Variants in CNTN3 observed in about 807,000 individuals in gnomAD.
CNTN3 encodes the protein contactin-3.
CNTN3 carries 60 observed loss-of-function variants against 119.1 expected under a neutral mutation model. The observed-to-expected ratio is 0.50, with a 90% CI of 0.41 to 0.62. CNTN3 has a LOEUF of 0.62. Among genes scored for constraint, CNTN3 ranks in the 20% least tolerant of loss-of-function variants. The probability of loss-of-function intolerance (pLI) is 0.00; values close to 1 mark genes in which losing one functional copy is unlikely to be tolerated. For synonymous variants in CNTN3, 450 were observed against 438.7 expected (o/e 1.03, Z -0.32); for missense variants, 1,101 against 1,242.4 (o/e 0.89, Z 1.71).
intron 4 of CNTN3, among the ~76,000 whole-genome samples, chr3:74,463,447 T>C (rs1465358507): frequency 1.3e-5 from 2 of 152,150 alleles, no homozygotes; most frequent in African/African-American, 4.8e-5. Context: ...CACCTATCCC[T>C]GCCTCCTGCT....
At chr3:74,362,263 T>A (rs2106773070) in intron 10 of CNTN3, among the ~76,000 whole-genome samples, 1 of 152,348 alleles carries the variant, frequency 6.6e-6, no homozygotes, top group South Asian at 2.1e-4. Context: ...ATGTTTAGTT[T>A]ATGGTGAAGA....
intron 2 of CNTN3, among the ~76,000 whole-genome samples, chr3:74,510,190 C>A (rs1464384703): frequency 5.9e-5 from 9 of 151,988 alleles, no homozygotes; most frequent in Non-Finnish European, 1.3e-4. Flanking sequence ...TCAGACTTTC[C>A]TGAGACCACC....
chr3:74,303,205 G>C (rs960938299), intron 13 of CNTN3, among the ~76,000 whole-genome samples: 1 of 152,116 alleles, frequency 6.6e-6, no homozygotes, highest in African/African-American at 2.4e-5. Context: ...GAGAAGAAGA[G>C]GGACACATGT....
At chr3:74,559,463 G>A (rs994487336) in intron 1 of CNTN3, among the ~76,000 whole-genome samples, 3 of 152,248 alleles carry the variant, frequency 2.0e-5, no homozygotes, top group East Asian at 1.9e-4. Context: ...AAGCTTTGGC[G>A]TGTGGCAGTT....
intron 20 of CNTN3, among the ~76,000 whole-genome samples, chr3:74,276,414 A>T (rs7636279): frequency 0.045 from 6,862 of 152,228 alleles, 507 homozygotes; most frequent in African/African-American, 0.16. Context: ...AATAAATTTT[A>T]AAAAATTGAA....
chr3:74,501,171 A>G (rs1703160274), intron 2 of CNTN3, among the ~76,000 whole-genome samples: 1 of 151,626 alleles, frequency 6.6e-6, no homozygotes, highest in South Asian at 2.1e-4. Context: ...CACACCCAAT[A>G]GTCTTGCCTT....
chr3:74,512,973 G>T (rs1703395076), intron 2 of CNTN3, among the ~76,000 whole-genome samples: 1 of 152,032 alleles, frequency 6.6e-6, no homozygotes, highest in Non-Finnish European at 1.5e-5. Flanking sequence ...GTTCTATTTT[G>T]CCATAGAGTG....
intron 1 of CNTN3, among the ~76,000 whole-genome samples, chr3:74,546,946 T>C (rs2107154721): frequency 1.4e-5 from 2 of 141,332 alleles, no homozygotes; most frequent in Middle Eastern, 3.6e-3. Context: ...TTTCTCCTTA[T>C]TTTGTTGATT....
chr3:74,374,934 T>C (rs929160246), intron 5 of CNTN3, among the ~76,000 whole-genome samples: 1 of 152,154 alleles, frequency 6.6e-6, no homozygotes, highest in African/African-American at 2.4e-5. Context: ...AATGCAAAAT[T>C]TCAGTGATCC....
At position 74,437,759 on chromosome 3, in the gene CNTN3, T is replaced by A. The variant is rs191361213; in HGVS notation, c.359-12819A>T. On this transcript the variant is annotated intron_variant, in intron 4 of 22. Coordinates refer to ENST00000263665, the MANE Select transcript of CNTN3 (RefSeq NM_020872.3). ...TTTTCCATCAAAACTACACTTTTTT[T>A]TCCCATTTTTGTGGCAAGAGCATGA... is the stretch of plus-strand genomic sequence containing the variant. Among the ~76,000 whole-genome samples the A allele has an allele frequency of 8.5e-5, 13 of 152,260 alleles. No individual in the cohort carries two copies. The East Asian group carries it at 1.5e-3, about 18-fold the overall frequency.
chr3:74,312,996 C>T (rs1314961968), intron 13 of CNTN3, among the ~76,000 whole-genome samples: 1 of 130,406 alleles, frequency 7.7e-6, no homozygotes, highest in East Asian at 2.2e-4. Context: ...GAACCAAAAA[C>T]AAAAAAAAAA....
chr3:74,400,876 A>G (rs547595083), intron 5 of CNTN3, among the ~76,000 whole-genome samples: 1 of 152,324 alleles, frequency 6.6e-6, no homozygotes, highest in Non-Finnish European at 1.5e-5. Context: ...TGATTTGCAC[A>G]CCAAAGGAAA....
chr3:74,325,462 G>T (rs1049157340), intron 13 of CNTN3, among the ~76,000 whole-genome samples: 1 of 152,080 alleles, frequency 6.6e-6, no homozygotes, highest in Non-Finnish European at 1.5e-5. Context: ...AGAAATGAGA[G>T]GTTGGGGGTA....
At chr3:74,395,994 G>A (rs772178272) in intron 5 of CNTN3, among the ~76,000 whole-genome samples, 2 of 152,104 alleles carry the variant, frequency 1.3e-5, no homozygotes, top group African/African-American at 2.4e-5. Flanking sequence ...GCTCATGTAA[G>A]ATGGCAAACT....
At chr3:74,353,673 G>A (rs1440889879) in intron 11 of CNTN3, among the ~76,000 whole-genome samples, 1 of 151,996 alleles carries the variant, frequency 6.6e-6, no homozygotes, top group Non-Finnish European at 1.5e-5. Context: ...GGAGAATGGC[G>A]TGAACCCGGG....
At chr3:74,455,886 G>A (rs1284626509) in intron 4 of CNTN3, among the ~76,000 whole-genome samples, 1 of 152,072 alleles carries the variant, frequency 6.6e-6, no homozygotes, top group East Asian at 1.9e-4. Flanking sequence ...GAAGCAACAA[G>A]TCTGAGATGG....
intron 4 of CNTN3, among the ~76,000 whole-genome samples, chr3:74,473,755 T>C (rs1044266048): frequency 6.6e-6 from 1 of 152,148 alleles, no homozygotes; most frequent in African/African-American, 2.4e-5. Flanking sequence ...GAAATGATAC[T>C]GAAGCAGTGA....
At chr3:74,512,767 T>C (rs1363619711) in intron 2 of CNTN3, among the ~76,000 whole-genome samples, 1 of 150,782 alleles carries the variant, frequency 6.6e-6, no homozygotes, top group Non-Finnish European at 1.5e-5. Flanking sequence ...AGTAAAATTA[T>C]TCCTTAATGA....
At position 74,455,323 on chromosome 3, in the gene CNTN3, G is replaced by A. The variant is rs567813172; in HGVS notation, c.359-30383C>T. 3.3e-5 allele frequency among the ~76,000 whole-genome samples: 5 copies of A among 151,712 alleles called. 1 individual carries two copies. Among genetic ancestry groups the A allele is most frequent in the Admixed American group, 2.0e-4 (3 of 15,234 alleles). On this transcript the variant is annotated intron_variant, in intron 4 of 22. Transcript: ENST00000263665. Reference sequence around the variant, plus strand: ...CTCCTGAGGCTTCTGAATTTTTCACGTAGTTCTCGAGCCTTGGCTTTCAGC... The same window carrying A: ...CTCCTGAGGCTTCTGAATTTTTCACATAGTTCTCGAGCCTTGGCTTTCAGC...
Sources: allele counts gnomAD v4.1 joint callset (sites outside exome capture counted in the v4.1 genomes callset), GRCh38; gene constraint gnomAD v4.1.1; transcripts MANE v1.5; gene names NCBI Gene and HGNC (gene_info 2026-07-23, HGNC 2026-07-21).